Variants in DOCK1 observed in about 807,000 individuals in gnomAD.
DOCK1 encodes the protein dedicator of cytokinesis 1, also known as dedicator of cytokinesis protein 1.
Under a neutral mutation model 262.7 loss-of-function variants are expected in DOCK1, and 138 were observed. The observed-to-expected ratio is 0.53, with a 90% CI of 0.46 to 0.61. The LOEUF is 0.61. DOCK1 is among the 20% of genes least tolerant of loss of function. The probability of loss-of-function intolerance (pLI) is 0.00; values close to 1 mark genes in which losing one functional copy is unlikely to be tolerated. For synonymous variants in DOCK1, 866 were observed against 867.4 expected (o/e 1.00, Z 0.03); for missense variants, 1,908 against 2,370.7 (o/e 0.80, Z 4.05).
intron 23 of DOCK1, among the ~76,000 whole-genome samples, chr10:127,101,065 GAA>G (rs530678619): frequency 1.4e-3 from 215 of 152,258 alleles, no homozygotes; most frequent in African/African-American, 4.9e-3. Flanking sequence ...GACAGCAGGG[GAA>G]GAGGTTGGAG....
chr10:127,088,606 G>GAA (rs1426767936), intron 23 of DOCK1, among the ~76,000 whole-genome samples: 1 of 152,176 alleles, frequency 6.6e-6, no homozygotes, highest in Non-Finnish European at 1.5e-5. Context: ...AAGAGAATGT[G>GAA]AAAGGTATGT....
At chr10:127,441,625 G>T (rs1364490480) in intron 49 of DOCK1, among the ~76,000 whole-genome samples, 1 of 152,156 alleles carries the variant, frequency 6.6e-6, no homozygotes, top group African/African-American at 2.4e-5. Context: ...CGCAGGAGGG[G>T]AGGTGCGGGG....
intron 19 of DOCK1, among the ~76,000 whole-genome samples, chr10:127,041,939 C>A (rs1435510474): frequency 6.6e-6 from 1 of 152,164 alleles, no homozygotes; most frequent in East Asian, 1.9e-4. Flanking sequence ...TCTTACATTT[C>A]CTGCAGGGGA....
chr10:127,187,925 A>G (rs2056431207), intron 27 of DOCK1, among the ~76,000 whole-genome samples: 1 of 152,192 alleles, frequency 6.6e-6, no homozygotes, highest in Non-Finnish European at 1.5e-5. Context: ...TACGATAAAG[A>G]ACCACTGGCC....
At chr10:126,938,803 C>CGGAGGGGATGAACACA in intron 1 of DOCK1, among the ~76,000 whole-genome samples, 1 of 48,564 alleles carries the variant, frequency 2.1e-5, no homozygotes, top group East Asian at 6.4e-4. Flanking sequence ...GGATGAGCAC[C>CGGAGGGGATGAACACA]GGAGGGGATG....
chr10:127,206,557 T>C (rs1358298782), intron 27 of DOCK1, among the ~76,000 whole-genome samples: 1 of 151,970 alleles, frequency 6.6e-6, no homozygotes, highest in African/African-American at 2.4e-5. Context: ...GGTAAGAGAG[T>C]CTTGATGTGA....
chr10:126,933,905 C>T (rs1002478983), intron 1 of DOCK1, among the ~76,000 whole-genome samples: 43 of 152,226 alleles, frequency 2.8e-4, no homozygotes, highest in African/African-American at 9.6e-4. Context: ...ACCTCCGCCT[C>T]CCACGTTCAA....
chr10:126,960,821 C>A (rs1440255170), intron 1 of DOCK1, among the ~76,000 whole-genome samples: 1 of 131,632 alleles, frequency 7.6e-6, no homozygotes. Flanking sequence ...TAGATATATA[C>A]GTGTGTATAT....
At chr10:127,091,137 G>A (rs139217411) in intron 23 of DOCK1, among the ~76,000 whole-genome samples, 2,995 of 151,924 alleles carry the variant, frequency 0.02, 81 homozygotes, top group East Asian at 0.11. Flanking sequence ...GCCCGCCACC[G>A]CACCTGGCTA....
At chr10:127,273,373 A>G (rs955086755) in intron 29 of DOCK1, among the ~76,000 whole-genome samples, 4 of 152,132 alleles carry the variant, frequency 2.6e-5, no homozygotes, top group Non-Finnish European at 5.9e-5. Context: ...GCAGGATTTG[A>G]TAGGTGGCAG....
At chr10:127,278,860 GTTAC>G (rs985667136) in intron 29 of DOCK1, among the ~76,000 whole-genome samples, 2 of 152,194 alleles carry the variant, frequency 1.3e-5, no homozygotes, top group Non-Finnish European at 2.9e-5. Flanking sequence ...GTTTAGATCT[GTTAC>G]TTACAAGGTG....
At chr10:127,396,754 CAAAAA>C (rs372642343) in intron 38 of DOCK1, among the ~76,000 whole-genome samples, 34 of 134,160 alleles carry the variant, frequency 2.5e-4, no homozygotes, top group East Asian at 2.0e-3. Flanking sequence ...ATCTCTGTTA[CAAAAA>C]AAAAAAAAAA....
chr10:127,345,089 T>C (rs1281892206), intron 31 of DOCK1, among the ~76,000 whole-genome samples: 1 of 152,126 alleles, frequency 6.6e-6, no homozygotes, highest in African/African-American at 2.4e-5. Context: ...GGCCGATGTG[T>C]GTAGTAGGCT....
At chr10:127,422,283 C>T (rs1326222070) in intron 46 of DOCK1, among the ~76,000 whole-genome samples, 10 of 149,380 alleles carry the variant, frequency 6.7e-5, no homozygotes, top group African/African-American at 2.2e-4. Flanking sequence ...TCTCCTGCCT[C>T]GGCCTCCCGA....
intron 29 of DOCK1, among the ~76,000 whole-genome samples, chr10:127,280,033 T>A (rs202080413): frequency 4.7e-5 from 5 of 107,274 alleles, no homozygotes; most frequent in East Asian, 4.6e-4. Flanking sequence ...TATATATATA[T>A]AATTTTTTTT....
At chr10:126,968,741 A>G (rs2037865345) in intron 1 of DOCK1, among the ~76,000 whole-genome samples, 1 of 152,148 alleles carries the variant, frequency 6.6e-6, no homozygotes, top group Non-Finnish European at 1.5e-5. Flanking sequence ...TGGTTCCTGA[A>G]GGTTTACGAA....
intron 25 of DOCK1, among the ~76,000 whole-genome samples, chr10:127,117,841 G>C (rs2049288363): frequency 6.6e-6 from 1 of 152,126 alleles, no homozygotes; most frequent in South Asian, 2.1e-4. Flanking sequence ...GCTGATTTCT[G>C]TAACTGCATG....
At chr10:127,383,323 A>G (rs780282483) in intron 37 of DOCK1, among the ~76,000 whole-genome samples, 2 of 152,212 alleles carry the variant, frequency 1.3e-5, no homozygotes, top group Non-Finnish European at 2.9e-5. Context: ...TAAAAATGCA[A>G]GGAAGTCATT....
At chr10:127,274,753 G>T (rs1188725826) in intron 29 of DOCK1, among the ~76,000 whole-genome samples, 1 of 152,204 alleles carries the variant, frequency 6.6e-6, no homozygotes, top group African/African-American at 2.4e-5. Flanking sequence ...TTGGCCTAGC[G>T]CAGTGTTTCT....
Sources: allele counts gnomAD v4.1 joint callset (sites outside exome capture counted in the v4.1 genomes callset), GRCh38; gene constraint gnomAD v4.1.1; transcripts MANE v1.5; gene names NCBI Gene and HGNC (gene_info 2026-07-23, HGNC 2026-07-21).